The following ASH1L variants were observed in gnomAD, a reference collection of about 807,000 sequenced individuals.
ASH1L encodes ASH1 like histone lysine methyltransferase.
Under a neutral mutation model 269.0 loss-of-function variants are expected in ASH1L, and 23 were observed. That is an observed-to-expected ratio of 0.09 (90% confidence interval 0.06 to 0.12). The LOEUF (loss-of-function observed/expected upper bound fraction) is 0.12, where lower values mean the gene tolerates loss of function less well. Ranked by LOEUF, ASH1L falls within the 10% of genes least tolerant of loss-of-function variation. ASH1L has a pLI of 1.00. For missense variants in ASH1L, 2,912 were observed against 3,567.8 expected (o/e 0.82, Z 4.68); for synonymous variants, 1,187 against 1,253.5 (o/e 0.95, Z 1.12).
At chr1:155,502,059 T>C (rs886286312) in intron 2 of ASH1L, among the ~76,000 whole-genome samples, 1 of 150,480 alleles carries the variant, frequency 6.6e-6, no homozygotes, top group Non-Finnish European at 1.5e-5. Context: ...CAGTTTTCTT[T>C]TCTTTTCTTT....
At chr1:155,461,805 T>G (rs528554185) in intron 3 of ASH1L, among the ~76,000 whole-genome samples, 2,485 of 149,560 alleles carry the variant, frequency 0.017, 62 homozygotes, top group African/African-American at 0.058. Flanking sequence ...TTTGAGGGTT[T>G]TTTTTTTTTT....
At chr1:155,517,509 A>T (rs541443140) in intron 2 of ASH1L, among the ~76,000 whole-genome samples, 1 of 151,850 alleles carries the variant, frequency 6.6e-6, no homozygotes, top group South Asian at 2.1e-4. Context: ...GGCACCTGTA[A>T]TCTCAGCTAC....
At chr1:155,361,944 T>C (rs376735298) in intron 12 of ASH1L, among the ~76,000 whole-genome samples, 1 of 151,976 alleles carries the variant, frequency 6.6e-6, no homozygotes, top group East Asian at 1.9e-4. Context: ...GGCTTACCTA[T>C]ACAAATCTTC....
At chr1:155,484,466 C>T (rs956149041) in intron 2 of ASH1L, among the ~76,000 whole-genome samples, 19 of 151,010 alleles carry the variant, frequency 1.3e-4, no homozygotes, top group African/African-American at 3.2e-4. Context: ...CTAGCCTGGG[C>T]GAAAGAGCAA....
chr1:155,497,772 G>A (rs1389897292), intron 2 of ASH1L, among the ~76,000 whole-genome samples: 2 of 148,876 alleles, frequency 1.3e-5, no homozygotes, highest in East Asian at 2.0e-4. Flanking sequence ...TTTTTGAGAC[G>A]GAGTCTCACT....
chr1:155,429,501 C>T (rs7514174), intron 5 of ASH1L, among the ~76,000 whole-genome samples: 8,273 of 151,020 alleles, frequency 0.055, 271 homozygotes, highest in African/African-American at 0.08. Context: ...TGGGTTCAAG[C>T]GATCCACACG....
At chr1:155,459,552 C>T (rs1240356297) in intron 4 of ASH1L, among the ~76,000 whole-genome samples, 3 of 152,162 alleles carry the variant, frequency 2.0e-5, no homozygotes, top group Admixed American at 1.3e-4. Context: ...CCACATTCCC[C>T]TATTATTCCC....
chr1:155,517,575 G>A (rs1284404363), intron 2 of ASH1L, among the ~76,000 whole-genome samples: 2 of 151,884 alleles, frequency 1.3e-5, no homozygotes, highest in African/African-American at 4.8e-5. Context: ...AGGAGGCAGA[G>A]GCTGCGGTCT....
chr1:155,473,159 G>A (rs114792231), intron 3 of ASH1L, among the ~76,000 whole-genome samples: 1,624 of 152,258 alleles, frequency 0.011, 38 homozygotes, highest in African/African-American at 0.038. Context: ...GCAGCTGAAC[G>A]AAGGAGTACA....
At chr1:155,549,708 C>G (rs2148907288) in intron 1 of ASH1L, among the ~76,000 whole-genome samples, 1 of 152,018 alleles carries the variant, frequency 6.6e-6, no homozygotes, top group Non-Finnish European at 1.5e-5. Context: ...ATATAAGGGA[C>G]TGGCACATCC....
chr1:155,532,459 C>T lies in ASH1L; in HGVS notation c.-99-10841G>A, dbSNP rs145068821. On this transcript the variant is annotated intron_variant, in intron 1 of 27. Transcript: ENST00000392403. Reference sequence around the variant, plus strand: ...AGACCTCTATCCACCCCAACACCTGCCATTCTAATCCCACATCCAAGTAAC... The same window carrying T: ...AGACCTCTATCCACCCCAACACCTGTCATTCTAATCCCACATCCAAGTAAC... Among the ~76,000 whole-genome samples the T allele has an allele frequency of 7.3e-4, 111 of 152,200 alleles. No individual in the cohort carries two copies. In the East Asian group the frequency reaches 8.7e-3, roughly 12 times the overall value.
intron 16 of ASH1L, among the ~76,000 whole-genome samples, chr1:155,353,679 A>G (rs907133114): frequency 6.6e-6 from 1 of 152,192 alleles, no homozygotes; most frequent in African/African-American, 2.4e-5. Flanking sequence ...GCTAATCTGA[A>G]TGTGAGAAAA....
At position 155,481,509 on chromosome 1, in the gene ASH1L, T is replaced by A. The variant is rs1665959966; in HGVS notation, c.1361A>T (p.Glu454Val). The change falls in exon 3 of 28, where the codon GAA (glutamate) becomes GTA (valine). Residue 454 changes from glutamate to valine, a missense_variant. This residue lies in a region of ASH1L where 715 missense variants were observed against 721.0 expected (regional missense o/e 0.99). Transcript: ENST00000392403. ...INNQESQELS[E>V]SLKDSATSKT... ...GCTGGTGGCACTATCTTTCAGGGAT[T>A]CAGAAAGTTCCTGACTTTCCTGATT... 6.2e-7 allele frequency: 1 copy of A among 1,614,060 alleles called. No individual in the cohort carries two copies. Among genetic ancestry groups the A allele is most frequent in the Non-Finnish European group, 8.5e-7 (1 of 1,180,024 alleles).
chr1:155,346,979 T>C (rs1256329950), intron 20 of ASH1L, among the ~76,000 whole-genome samples: 1 of 152,242 alleles, frequency 6.6e-6, no homozygotes, highest in East Asian at 1.9e-4. Context: ...CATATTTCAC[T>C]CTATCAGAGG....
At chr1:155,534,513 T>G (rs1163096457) in intron 1 of ASH1L, among the ~76,000 whole-genome samples, 1 of 151,902 alleles carries the variant, frequency 6.6e-6, no homozygotes, top group Non-Finnish European at 1.5e-5. Flanking sequence ...AACAAATATT[T>G]ACCAAGTTAT....
At chr1:155,421,916 C>G (rs914959180) in intron 5 of ASH1L, among the ~76,000 whole-genome samples, 3 of 151,972 alleles carry the variant, frequency 2.0e-5, no homozygotes, top group African/African-American at 7.3e-5. Flanking sequence ...CATCAAAGTA[C>G]ATTCACATTG....
chr1:155,517,376 C>A (rs1668563979), intron 2 of ASH1L, among the ~76,000 whole-genome samples: 1 of 152,092 alleles, frequency 6.6e-6, no homozygotes, highest in Non-Finnish European at 1.5e-5. Flanking sequence ...CACCTGTAAT[C>A]CCAGCATTAT....
chr1:155,413,561 C>T (rs187485729), intron 6 of ASH1L, among the ~76,000 whole-genome samples: 3 of 152,250 alleles, frequency 2.0e-5, no homozygotes, highest in East Asian at 3.9e-4. Context: ...GAGCCGAGAT[C>T]GTGCCATTGC....
At chr1:155,489,587 T>C (rs1351827395) in intron 2 of ASH1L, among the ~76,000 whole-genome samples, 1 of 151,474 alleles carries the variant, frequency 6.6e-6, no homozygotes, top group East Asian at 1.9e-4. Flanking sequence ...TGAAACCCCG[T>C]CTTTACGAAA....
Sources: gnomAD v4.1 joint callset for allele counts (sites outside exome capture counted in the v4.1 genomes callset) on GRCh38, gnomAD v4.1.1 for gene constraint, gnomAD v4.1.1 regional missense constraint, MANE v1.5 for transcripts, NCBI Gene and HGNC (gene_info 2026-07-23, HGNC 2026-07-21) for gene names.